SVOPL: variants seen among roughly 807,000 people sequenced by gnomAD.
SVOPL encodes putative transporter SVOPL.
A neutral mutation model predicts 61.0 loss-of-function variants in SVOPL; 60 were observed. The observed-to-expected ratio is 0.98, with a 90% confidence interval of 0.80 to 1.22. SVOPL has a LOEUF of 1.22. Ranked by LOEUF, SVOPL falls within the 50% of genes most tolerant of loss-of-function variation. The pLI, the probability that SVOPL is intolerant of heterozygous loss-of-function variation, is 0.00. For synonymous variants in SVOPL, 279 were observed against 250.0 expected (o/e 1.12, Z -1.09); for missense variants, 662 against 643.9 (o/e 1.03, Z -0.30).
At chr7:138,684,364 CAAAA>C (rs34602180) in intron 1 of SVOPL, among the ~76,000 whole-genome samples, 1 of 112,548 alleles carries the variant, frequency 8.9e-6, no homozygotes, top group Non-Finnish European at 1.9e-5. Flanking sequence ...GACTCCATCT[CAAAA>C]AAAAAAAAAA....
intron 7 of SVOPL, among the ~76,000 whole-genome samples, chr7:138,653,599 C>T (rs1006879702): frequency 6.6e-6 from 1 of 151,738 alleles, no homozygotes; most frequent in Non-Finnish European, 1.5e-5. Context: ...GCCAGGAGTT[C>T]AAGACCAGCC....
intron 5 of SVOPL, chr7:138,660,804 A>G (rs1204159037): frequency 8.3e-6 from 8 of 967,262 alleles, no homozygotes; most frequent in Non-Finnish European, 9.7e-6. Flanking sequence ...ATATTATATA[A>G]TAATAATGAT....
rs565695569 is a variant in SVOPL at position 138,594,552 on chromosome 7, C to T, written c.*58G>A. 1,618 of 1,537,402 alleles carry T rather than the reference C, an allele frequency of 1.1e-3. 3 individuals carry two copies. The highest frequency in any genetic ancestry group is 1.4e-3 in the Non-Finnish European group (1,538 of 1,134,834). ...AAAACCAAGTTTTAAAAAAATGCAC[C>T]GCAGTTCTGAAGATAGAATTCATTT... On this transcript the variant is annotated 3_prime_UTR_variant, in exon 16 of 16. Coordinates refer to ENST00000674285, the MANE Select transcript of SVOPL (RefSeq NM_001139456.2).
chr7:138,668,182 C>T (rs1414216775), intron 4 of SVOPL, among the ~76,000 whole-genome samples: 1 of 152,096 alleles, frequency 6.6e-6, no homozygotes, highest in African/African-American at 2.4e-5. Context: ...CGTCAATTCC[C>T]TACTATTTCA....
intron 4 of SVOPL, chr7:138,664,202 CCTT>C (rs1802145586): frequency 1.0e-6 from 1 of 982,682 alleles, no homozygotes; most frequent in African/African-American, 1.8e-5. Context: ...CCCTCCCCCA[CCTT>C]CTACCTGGAA....
At chr7:138,634,321 C>A (rs1193905035) in intron 9 of SVOPL, among the ~76,000 whole-genome samples, 1 of 151,922 alleles carries the variant, frequency 6.6e-6, no homozygotes, top group Non-Finnish European at 1.5e-5. Context: ...GCCTGAGCAA[C>A]ATAGCAAGAC....
chr7:138,678,508 C>T lies in SVOPL; in HGVS notation c.100G>A (p.Val34Met), dbSNP rs368164555. The part of the protein sequence containing the change: ...PQVKEPKTFT[V>M]EDAVETIGFG... ...CCGATAGTCTCCACTGCATCTTCCA[C>T]GGTGAACGTCTTTGGCTCTAACAAC... The change falls in exon 3 of 16, where the codon GTG becomes ATG. Residue 34 changes from valine (V) to methionine (M), a missense_variant. By Grantham distance (21) the Val-to-Met change is conservative. Transcript: ENST00000674285. The T allele has an allele frequency of 1.3e-4, 204 of 1,552,080 alleles. No individual in the cohort carries two copies. Among genetic ancestry groups the T allele is most frequent in the Non-Finnish European group, 1.7e-4 (195 of 1,147,078 alleles).
At chr7:138,606,010 T>TA (rs200384998) in intron 14 of SVOPL, among the ~76,000 whole-genome samples, 9,501 of 147,442 alleles carry the variant, frequency 0.064, 339 homozygotes, top group Middle Eastern at 0.12. Context: ...TTTTTCTATT[T>TA]AAAAAAAAAA....
intron 1 of SVOPL, among the ~76,000 whole-genome samples, chr7:138,685,556 G>A (rs970478407): frequency 5.9e-5 from 9 of 152,116 alleles, no homozygotes; most frequent in Non-Finnish European, 1.2e-4. Context: ...GGTATCATGC[G>A]CTTAAAATTT....
chr7:138,603,877 C>G (rs992607177), intron 14 of SVOPL, among the ~76,000 whole-genome samples: 2 of 152,018 alleles, frequency 1.3e-5, no homozygotes, highest in Non-Finnish European at 2.9e-5. Context: ...CCAGAACACT[C>G]CCAACTTTGT....
chr7:138,648,378 T>A (rs1801230050), intron 8 of SVOPL, among the ~76,000 whole-genome samples: 1 of 151,484 alleles, frequency 6.6e-6, no homozygotes, highest in South Asian at 2.1e-4. Context: ...TGTGCCAAGA[T>A]GGGCGGATCA....
chr7:138,697,819 G>A lies in SVOPL; in HGVS notation c.-35+3359C>T, dbSNP rs1321227272. ...GAAGAGGAAGAAGAAGAAGAGAGAA[G>A]AGAAGGAAGAAGGAGGAAGATGAAA... is the stretch of plus-strand genomic sequence containing the variant. On this transcript the variant is annotated intron_variant, in intron 1 of 15. Transcript: ENST00000674285. Among the ~76,000 whole-genome samples the A allele has an allele frequency of 4.6e-5, 7 of 151,568 alleles. No homozygotes were observed. The East Asian group carries it at 1.2e-3, about 25-fold the overall frequency.
intron 9 of SVOPL, among the ~76,000 whole-genome samples, chr7:138,639,300 T>C (rs117342557): frequency 0.019 from 2,812 of 151,280 alleles, 48 homozygotes; most frequent in Non-Finnish European, 0.029. Context: ...AGCCCACATA[T>C]GCCAGGAGAA....
At chr7:138,696,915 C>T (rs1803076525) in intron 1 of SVOPL, among the ~76,000 whole-genome samples, 1 of 152,142 alleles carries the variant, frequency 6.6e-6, no homozygotes, top group Admixed American at 6.5e-5. Flanking sequence ...CTCTCCATTA[C>T]TGGCCATGAC....
intron 14 of SVOPL, among the ~76,000 whole-genome samples, chr7:138,616,778 AATT>A (rs1231476274): frequency 1.6e-4 from 25 of 152,090 alleles, no homozygotes; most frequent in African/African-American, 5.8e-4. Context: ...TCAGTGGGTG[AATT>A]ATTATTAATT....
intron 10 of SVOPL, among the ~76,000 whole-genome samples, chr7:138,629,304 C>T (rs1349790097): frequency 2.0e-5 from 3 of 150,772 alleles, no homozygotes; most frequent in Non-Finnish European, 4.4e-5. Context: ...AATCTCGGCT[C>T]ACTGCAACCT....
In SVOPL at chr7:138,605,702, T is replaced by G. The variant is rs184204930; in HGVS notation, c.1354-9172A>C. On this transcript the variant is annotated intron_variant, in intron 14 of 15. Transcript: ENST00000674285. ...CTGGAAACTAACAAGATAAAACACA[T>G]AACCACAAACAGTCCCAGTCACCAT... is the stretch of plus-strand genomic sequence containing the variant. 2.1e-3 allele frequency among the ~76,000 whole-genome samples: 293 copies of G among 142,628 alleles called. 1 individual carries two copies. The highest frequency in any genetic ancestry group is 7.3e-3 in the African/African-American group (282 of 38,460). 93.6% of individuals were successfully genotyped at this position (142,628 alleles called of 152,430 possible).
rs1563095743 is a variant in SVOPL, at chr7:138,621,930, G to GTATCTATCTATCTATGTATC, written c.1264-815_1264-796dup. Among the ~76,000 whole-genome samples the GTATCTATCTATCTATGTATC allele has an allele frequency of 1.3e-4, 2 of 15,474 alleles. 1 individual carries two copies. Among genetic ancestry groups the GTATCTATCTATCTATGTATC allele is most frequent in the Non-Finnish European group, 2.8e-4 (2 of 7,226 alleles). 10.2% of individuals were successfully genotyped at this position (15,474 alleles called of 152,430 possible). A position where few individuals can be genotyped will look rare whatever the true frequency, so the allele number is the denominator to read the frequency against. ...TGTATCTATCTATGTATCTATCTAT[G>GTATCTATCTATCTATGTATC]TATCTATCTATCTATGTATCTATCT... On this transcript the variant is annotated intron_variant, in intron 13 of 15. Coordinates refer to ENST00000674285, the MANE Select transcript of SVOPL (RefSeq NM_001139456.2).
At chr7:138,612,935 G>C (rs1204362493) in intron 14 of SVOPL, among the ~76,000 whole-genome samples, 1 of 152,164 alleles carries the variant, frequency 6.6e-6, no homozygotes, top group Non-Finnish European at 1.5e-5. Context: ...ACATGGCAAT[G>C]TGAACTGAGA....
Sources: gnomAD v4.1 joint callset for allele counts (sites outside exome capture counted in the v4.1 genomes callset) on GRCh38, gnomAD v4.1.1 for gene constraint, MANE v1.5 for transcripts, NCBI Gene and HGNC (gene_info 2026-07-23, HGNC 2026-07-21) for gene names.